The following AKT3 variants were observed in gnomAD, a reference collection of about 807,000 sequenced individuals.
AKT3 encodes RAC-gamma serine/threonine-protein kinase.
AKT3 carries 15 observed loss-of-function variants against 65.3 expected under a neutral mutation model. The ratio of observed to expected loss-of-function variants is 0.23; its 90% CI spans 0.15 to 0.35. The LOEUF (loss-of-function observed/expected upper bound fraction) is 0.35. AKT3 is among the 10% of genes least tolerant of loss of function. The pLI, the probability that AKT3 is intolerant of heterozygous loss-of-function variation, is 1.00. For missense variants in AKT3, 243 were observed against 576.5 expected (o/e 0.42, Z 5.92); for synonymous variants, 206 against 183.8 (o/e 1.12, Z -0.98).
intron 9 of AKT3, among the ~76,000 whole-genome samples, chr1:243,569,784 T>C (rs763547932): frequency 1.3e-5 from 2 of 152,222 alleles, no homozygotes; most frequent in Non-Finnish European, 2.9e-5. Flanking sequence ...ATTTCCAATA[T>C]AGTTATATTC....
intron 2 of AKT3, among the ~76,000 whole-genome samples, chr1:243,710,194 T>C (rs888229274): frequency 4.6e-5 from 7 of 152,164 alleles, no homozygotes; most frequent in East Asian, 1.9e-4. Context: ...CCTGAAAATA[T>C]ACCAAGTACG....
chr1:243,693,144 G>T (rs1168169244), intron 3 of AKT3, among the ~76,000 whole-genome samples: 1 of 147,948 alleles, frequency 6.8e-6, no homozygotes, highest in Non-Finnish European at 1.5e-5. Context: ...GCCTATTTTG[G>T]TAAAATTTCA....
chr1:243,542,009 C>T (rs1381615529), intron 12 of AKT3, among the ~76,000 whole-genome samples: 1 of 152,088 alleles, frequency 6.6e-6, no homozygotes, highest in Non-Finnish European at 1.5e-5. Flanking sequence ...TTGAAAATTA[C>T]AAAACATTAC....
At chr1:243,771,172 CCTCTT>C (rs2148277506) in intron 2 of AKT3, among the ~76,000 whole-genome samples, 1 of 152,264 alleles carries the variant, frequency 6.6e-6, no homozygotes, top group South Asian at 2.1e-4. Flanking sequence ...GAAACTACAA[CCTCTT>C]CTCTGAATCT....
intron 2 of AKT3, among the ~76,000 whole-genome samples, chr1:243,787,307 C>T (rs1691329450): frequency 6.6e-6 from 1 of 151,980 alleles, no homozygotes; most frequent in Non-Finnish European, 1.5e-5. Flanking sequence ...AAATGTTACC[C>T]ATGCACATTT....
At chr1:243,652,390 G>A (rs1394716849) in intron 4 of AKT3, among the ~76,000 whole-genome samples, 1 of 151,998 alleles carries the variant, frequency 6.6e-6, no homozygotes, top group African/African-American at 2.4e-5. Context: ...GTAAGTGAAG[G>A]AGAAATAGAA....
chr1:243,601,603 G>T (rs1558645247), intron 8 of AKT3, among the ~76,000 whole-genome samples: 1 of 152,040 alleles, frequency 6.6e-6, no homozygotes, highest in African/African-American at 2.4e-5. Flanking sequence ...TTCACACACA[G>T]ATTTGTACTG....
At chr1:243,731,568 GATT>G (rs1687571488) in intron 2 of AKT3, among the ~76,000 whole-genome samples, 1 of 152,146 alleles carries the variant, frequency 6.6e-6, no homozygotes, top group African/African-American at 2.4e-5. Flanking sequence ...TCAATAGAGA[GATT>G]ATTTTTTAAA....
intron 2 of AKT3, among the ~76,000 whole-genome samples, chr1:243,725,101 T>C (rs1052990734): frequency 6.6e-6 from 1 of 151,286 alleles, no homozygotes; most frequent in African/African-American, 2.4e-5. Flanking sequence ...TTCTAGCTAC[T>C]CGGGAGGTTA....
intron 2 of AKT3, among the ~76,000 whole-genome samples, chr1:243,830,436 T>A (rs1020399523): frequency 6.6e-6 from 1 of 152,130 alleles, no homozygotes; most frequent in Non-Finnish European, 1.5e-5. Context: ...ATTATAAACA[T>A]AATAAAGAAT....
intron 6 of AKT3, among the ~76,000 whole-genome samples, chr1:243,629,627 C>T (rs2147785368): frequency 6.6e-6 from 1 of 152,156 alleles, no homozygotes; most frequent in Admixed American, 6.5e-5. Context: ...CCCGTCTCTA[C>T]TAAAAGTACA....
intron 8 of AKT3, among the ~76,000 whole-genome samples, chr1:243,584,239 C>T (rs1002212462): frequency 9.2e-5 from 14 of 151,998 alleles, no homozygotes; most frequent in Admixed American, 7.9e-4. Context: ...CCTGGAAACA[C>T]ACAATTTACC....
At chr1:243,757,453 A>G (rs1282556557) in intron 2 of AKT3, among the ~76,000 whole-genome samples, 1 of 152,100 alleles carries the variant, frequency 6.6e-6, no homozygotes, top group Non-Finnish European at 1.5e-5. Flanking sequence ...CCCCATCTCT[A>G]CTAAAAATAC....
At chr1:243,568,705 C>T (rs1674351784) in intron 9 of AKT3, among the ~76,000 whole-genome samples, 1 of 152,168 alleles carries the variant, frequency 6.6e-6, no homozygotes. Context: ...TAATACAATG[C>T]TTCCCAACCT....
chr1:243,814,335 T>C (rs528456707), intron 2 of AKT3, among the ~76,000 whole-genome samples: 1 of 152,290 alleles, frequency 6.6e-6, no homozygotes, highest in Admixed American at 6.5e-5. Context: ...CTAACATTTA[T>C]TTTAAATACT....
intron 2 of AKT3, among the ~76,000 whole-genome samples, chr1:243,789,838 A>G (rs1365761410): frequency 6.6e-6 from 1 of 152,256 alleles, no homozygotes; most frequent in Non-Finnish European, 1.5e-5. Flanking sequence ...GTTAGCAGGC[A>G]TGAAAACAAC....
chr1:243,806,492 C>T (rs979827471), intron 2 of AKT3, among the ~76,000 whole-genome samples: 1 of 152,176 alleles, frequency 6.6e-6, no homozygotes. Context: ...CATTAACTGA[C>T]TACACCAGTC....
downstream of AKT3, among the ~76,000 whole-genome samples, chr1:243,496,347 C>T (rs1667882025): frequency 2.0e-5 from 3 of 152,122 alleles, no homozygotes; most frequent in South Asian, 2.1e-4. Context: ...AGGCGGGAGG[C>T]GAGCCACCAA....
rs1669153835 is a variant in AKT3 at position 243,500,382 on chromosome 1, A to T, written c.*4867T>A. ...GTTAAACAACGAAAACAGACAAAAA[A>T]GCATCTTTGGCTCGGTGGTGTCAGA... On this transcript the variant is annotated 3_prime_UTR_variant, in exon 14 of 14. Coordinates refer to ENST00000673466, the MANE Select transcript of AKT3 (RefSeq NM_005465.7). The T allele has an allele frequency of 4.4e-6, 1 of 225,502 alleles. No individual in the cohort carries two copies. Among genetic ancestry groups the T allele is most frequent in the South Asian group, 1.8e-4 (1 of 5,454 alleles). 14.0% of individuals were successfully genotyped at this position (225,502 alleles called of 1,614,324 possible). A position where few individuals can be genotyped will look rare whatever the true frequency, so the allele number is the denominator to read the frequency against.
Sources: allele counts gnomAD v4.1 joint callset (sites outside exome capture counted in the v4.1 genomes callset), GRCh38; gene constraint gnomAD v4.1.1; transcripts MANE v1.5; gene names NCBI Gene and HGNC (gene_info 2026-07-23, HGNC 2026-07-21).